The following PCDH11X variants were observed in gnomAD, a reference collection of about 807,000 sequenced individuals.
The protein encoded by PCDH11X is protocadherin-11 X-linked.
PCDH11X carries 18 observed loss-of-function variants against 53.3 expected under a neutral mutation model. The ratio of observed to expected loss-of-function variants is 0.34; its 90% CI spans 0.23 to 0.50. PCDH11X has a LOEUF of 0.50. Among genes scored for constraint, PCDH11X ranks in the 20% least tolerant of loss-of-function variants. PCDH11X has a pLI of 0.98. For synonymous variants in PCDH11X, 279 were observed against 393.3 expected (o/e 0.71, Z 3.44); for missense variants, 570 against 1,032.4 (o/e 0.55, Z 6.14).
chrX:92,598,613 T>G (rs1318573188), intron 10 of PCDH11X, among the ~76,000 whole-genome samples: 1 of 93,975 alleles, frequency 1.1e-5, no homozygotes, highest in Non-Finnish European at 2.1e-5. Context: ...GAATGTAAAT[T>G]AGTACAACCA....
chrX:91,946,599 A>ATG (rs58031232), intron 6 of PCDH11X, among the ~76,000 whole-genome samples: 1,201 of 76,062 alleles, frequency 0.016, 44 homozygotes, highest in African/African-American at 0.038. Flanking sequence ...ATATATATAT[A>ATG]GCTATTTAAA....
intron 6 of PCDH11X, among the ~76,000 whole-genome samples, chrX:92,167,402 T>C (rs1457978751): frequency 8.9e-6 from 1 of 111,809 alleles, no homozygotes; most frequent in Non-Finnish European, 1.9e-5. Context: ...AGATTTATTT[T>C]AGTAATTTTT....
At chrX:92,085,394 T>C (rs1348628111) in intron 6 of PCDH11X, among the ~76,000 whole-genome samples, 32 of 108,204 alleles carry the variant, frequency 3.0e-4, no homozygotes, top group Non-Finnish European at 5.5e-4. Flanking sequence ...TTTCATTGGG[T>C]CCTGAATACT....
intron 10 of PCDH11X, among the ~76,000 whole-genome samples, chrX:92,534,290 A>T (rs2074615043): frequency 9.0e-6 from 1 of 111,346 alleles, no homozygotes; most frequent in Admixed American, 9.6e-5. Flanking sequence ...GATCAAGTGG[A>T]AGAAAGGGTA....
At chrX:91,906,028 T>C (rs997579401) in intron 6 of PCDH11X, among the ~76,000 whole-genome samples, 1 of 110,756 alleles carries the variant, frequency 9.0e-6, no homozygotes, top group African/African-American at 3.3e-5. Context: ...ATCATGGAGG[T>C]TATGGCTTTC....
intron 10 of PCDH11X, among the ~76,000 whole-genome samples, chrX:92,507,485 G>A (rs1202417857): frequency 5.4e-5 from 6 of 110,873 alleles, no homozygotes; most frequent in African/African-American, 2.0e-4. Flanking sequence ...TACTGTCCTC[G>A]GTTGGGCTAG....
At chrX:91,959,241 G>T (rs1488655398) in intron 6 of PCDH11X, among the ~76,000 whole-genome samples, 1 of 108,498 alleles carries the variant, frequency 9.2e-6, no homozygotes, top group Non-Finnish European at 1.9e-5. Context: ...TTGTGTGACT[G>T]TTACGTCAAG....
At chrX:92,187,968 G>A (rs1294768601) in intron 6 of PCDH11X, among the ~76,000 whole-genome samples, 1 of 111,566 alleles carries the variant, frequency 9.0e-6, no homozygotes, top group Admixed American at 9.6e-5. Flanking sequence ...TTACATGTGA[G>A]AACTGATTAC....
chrX:92,387,485 A>G, intron 8 of PCDH11X: 1 of 200,349 alleles, frequency 5.0e-6, no homozygotes, highest in Non-Finnish European at 7.5e-6. Context: ...CTTGCTTTAG[A>G]ACAAGTTTAC....
At chrX:92,240,490 A>T (rs2067244484) in intron 7 of PCDH11X, among the ~76,000 whole-genome samples, 1 of 111,466 alleles carries the variant, frequency 9.0e-6, no homozygotes, top group South Asian at 3.8e-4. Flanking sequence ...CATTATCACA[A>T]GGGTAATGTC....
At chrX:91,926,065 C>G (rs1259138903) in intron 6 of PCDH11X, among the ~76,000 whole-genome samples, 2 of 73,387 alleles carry the variant, frequency 2.7e-5, no homozygotes, top group African/African-American at 1.0e-4. Flanking sequence ...TATATACACA[C>G]ACACAAACAC....
At chrX:92,004,902 A>G (rs2062573070) in intron 6 of PCDH11X, among the ~76,000 whole-genome samples, 1 of 107,251 alleles carries the variant, frequency 9.3e-6, no homozygotes, top group South Asian at 4.1e-4. Context: ...CAGCCTCCCA[A>G]GTAGCTGGGA....
At chrX:91,903,656 C>CGTGTGTGTGTGT (rs61017416) in intron 6 of PCDH11X, among the ~76,000 whole-genome samples, 38 of 93,954 alleles carry the variant, frequency 4.0e-4, no homozygotes, top group African/African-American at 1.4e-3. Context: ...CCTCTATGTG[C>CGTGTGTGTGTGT]GTGTGTGTGT....
chrX:92,466,165 G>A (rs1357221775), intron 9 of PCDH11X, among the ~76,000 whole-genome samples: 6 of 110,351 alleles, frequency 5.4e-5, no homozygotes, highest in South Asian at 7.5e-4. Context: ...TATATACCTC[G>A]TCATTCATAA....
At chrX:91,789,200 C>CAAAAAAAAAAAAAAAAA (rs764959497) in intron 1 of PCDH11X, among the ~76,000 whole-genome samples, 39 of 47,097 alleles carry the variant, frequency 8.3e-4, no homozygotes, top group East Asian at 1.3e-3. Context: ...GACTCCGTCT[C>CAAAAAAAAAAAAAAAAA]AAAAAAAAAA....
At chrX:92,224,061 G>A (rs889956646) in intron 7 of PCDH11X, among the ~76,000 whole-genome samples, 1 of 111,873 alleles carries the variant, frequency 8.9e-6, no homozygotes. Flanking sequence ...ATAAGGAAGT[G>A]TCTTAAGTAC....
intron 9 of PCDH11X, among the ~76,000 whole-genome samples, chrX:92,463,848 G>T (rs2073101964): frequency 9.0e-6 from 1 of 110,543 alleles, no homozygotes; most frequent in South Asian, 3.8e-4. Flanking sequence ...TAGGAAAAAT[G>T]AGTTAATTTC....
At chrX:92,335,683 T>C (rs1199208753) in intron 8 of PCDH11X, among the ~76,000 whole-genome samples, 1 of 111,306 alleles carries the variant, frequency 9.0e-6, no homozygotes, top group Admixed American at 9.6e-5. Context: ...TTACAATGAG[T>C]AACAAAAAGC....
At chrX:92,470,474 C>T (rs1386705948) in intron 10 of PCDH11X, among the ~76,000 whole-genome samples, 1 of 104,970 alleles carries the variant, frequency 9.5e-6, no homozygotes, top group Non-Finnish European at 2.0e-5. Flanking sequence ...GCTAGGACTT[C>T]CAGTACTATG....
Sources: gnomAD v4.1 joint callset for allele counts (sites outside exome capture counted in the v4.1 genomes callset) on GRCh38, gnomAD v4.1.1 for gene constraint, MANE v1.5 for transcripts, NCBI Gene and HGNC (gene_info 2026-07-23, HGNC 2026-07-21) for gene names.